XYLT1: variants seen among roughly 807,000 people sequenced by gnomAD.
The protein encoded by XYLT1 is beta-D-xylosyltransferase 1.
A neutral mutation model predicts 91.3 loss-of-function variants in XYLT1; 36 were observed. The ratio of observed to expected loss-of-function variants is 0.39; its 90% confidence interval spans 0.30 to 0.52. XYLT1 has a LOEUF of 0.52. Among genes scored for constraint, XYLT1 ranks in the 20% least tolerant of loss-of-function variants. The pLI is 0.68. For synonymous variants in XYLT1, 588 were observed against 532.0 expected, an observed-to-expected ratio of 1.11 and a Z score of -1.45; for missense variants, 1,242 against 1,284.5, an observed-to-expected ratio of 0.97 and a Z score of 0.51.
chr16:17,385,790 A>T (rs1596517635), intron 1 of XYLT1, among the ~76,000 whole-genome samples: 1 of 150,226 alleles, frequency 6.7e-6, no homozygotes, highest in Non-Finnish European at 1.5e-5. Flanking sequence ...GTGAGTTAAC[A>T]ACAGTCTATG....
intron 5 of XYLT1, among the ~76,000 whole-genome samples, chr16:17,188,992 T>TACC (rs59956644): frequency 6.9e-5 from 2 of 29,006 alleles, no homozygotes; most frequent in African/African-American, 1.9e-3. Context: ...CACCTTTGAG[T>TACC]TGCTGCTTAG....
chr16:17,377,317 G>A (rs2035615708), intron 1 of XYLT1, among the ~76,000 whole-genome samples: 1 of 152,096 alleles, frequency 6.6e-6, no homozygotes, highest in African/African-American at 2.4e-5. Context: ...TTGTTAACCT[G>A]CCCATCAAAC....
intron 1 of XYLT1, among the ~76,000 whole-genome samples, chr16:17,385,123 A>G (rs2035730662): frequency 1.3e-5 from 2 of 151,904 alleles, no homozygotes; most frequent in South Asian, 2.1e-4. Context: ...GCAGAGAGAC[A>G]TGATCCGATG....
chr16:17,120,740 T>C (rs1222282147), intron 10 of XYLT1, among the ~76,000 whole-genome samples: 3 of 152,136 alleles, frequency 2.0e-5, no homozygotes, highest in African/African-American at 7.2e-5. Flanking sequence ...GGACTATATA[T>C]GGCATGCTCA....
chr16:17,392,252 G>A (rs1202239271), intron 1 of XYLT1, among the ~76,000 whole-genome samples: 3 of 152,092 alleles, frequency 2.0e-5, no homozygotes, highest in Non-Finnish European at 4.4e-5. Context: ...CAGCACCGAT[G>A]GCCAAAGGTT....
intron 1 of XYLT1, among the ~76,000 whole-genome samples, chr16:17,403,107 G>A (rs1045132062): frequency 2.6e-5 from 4 of 152,180 alleles, no homozygotes; most frequent in Non-Finnish European, 5.9e-5. Context: ...AGACAAACAA[G>A]TAACTGATGG....
chr16:17,199,563 G>A (rs555519210), intron 4 of XYLT1, among the ~76,000 whole-genome samples: 2 of 152,266 alleles, frequency 1.3e-5, no homozygotes, highest in Admixed American at 6.5e-5. Context: ...TAATTCCCAC[G>A]TGTTATGGGA....
intron 6 of XYLT1, among the ~76,000 whole-genome samples, chr16:17,143,819 ACT>A (rs924489405): frequency 6.1e-5 from 5 of 82,506 alleles, no homozygotes; most frequent in African/African-American, 3.1e-4. Flanking sequence ...CATTATCACC[ACT>A]GTCATCACCA....
chr16:17,456,884 G>T (rs2036750876), intron 1 of XYLT1, among the ~76,000 whole-genome samples: 1 of 152,172 alleles, frequency 6.6e-6, no homozygotes, highest in African/African-American at 2.4e-5. Flanking sequence ...TGATTAAAAT[G>T]ATAATCTAGG....
chr16:17,167,281 A>C (rs1036162924), intron 5 of XYLT1, among the ~76,000 whole-genome samples: 6 of 152,266 alleles, frequency 3.9e-5, no homozygotes, highest in African/African-American at 1.4e-4. Flanking sequence ...CTTCCCTTCA[A>C]GGGGACTGTT....
intron 1 of XYLT1, among the ~76,000 whole-genome samples, chr16:17,398,597 T>C (rs1323888579): frequency 6.6e-6 from 1 of 152,142 alleles, no homozygotes; most frequent in Non-Finnish European, 1.5e-5. Context: ...CAAAATGTAT[T>C]GCCTCCCATT....
intron 2 of XYLT1, among the ~76,000 whole-genome samples, chr16:17,345,634 T>C (rs2035133436): frequency 6.6e-6 from 1 of 152,224 alleles, no homozygotes; most frequent in African/African-American, 2.4e-5. Context: ...GCTAAAAGCC[T>C]TTCTCAAAGG....
chr16:17,198,556 T>C, intron 4 of XYLT1, 142 bp from the exon 5 acceptor site: 1 of 704,700 alleles, frequency 1.4e-6, no homozygotes, highest in East Asian at 2.7e-5. Context: ...TAAATGATCC[T>C]GGACTGGAGT....
chr16:17,336,866 C>T (rs1032463024), intron 2 of XYLT1, among the ~76,000 whole-genome samples: 4 of 152,200 alleles, frequency 2.6e-5, no homozygotes, highest in Admixed American at 6.5e-5. Flanking sequence ...AATGCTCACC[C>T]GCTTTCTCAG....
intron 2 of XYLT1, among the ~76,000 whole-genome samples, chr16:17,341,739 T>C (rs1171107306): frequency 6.6e-6 from 1 of 152,198 alleles, no homozygotes; most frequent in Non-Finnish European, 1.5e-5. Flanking sequence ...AATCATTTAA[T>C]TGTTTTCATC....
chr16:17,444,559 C>T (rs151105442), intron 1 of XYLT1, among the ~76,000 whole-genome samples: 8,508 of 150,780 alleles, frequency 0.056, 338 homozygotes, highest in African/African-American at 0.099. Flanking sequence ...GTTGCCCAGG[C>T]TGGTCTGGAA....
chr16:17,366,931 C>T (rs2035462678), intron 1 of XYLT1, among the ~76,000 whole-genome samples: 1 of 152,078 alleles, frequency 6.6e-6, no homozygotes, highest in South Asian at 2.1e-4. Context: ...AACCACAGTT[C>T]CTGGTTCTAT....
intron 3 of XYLT1, among the ~76,000 whole-genome samples, chr16:17,239,817 C>T (rs2033318215): frequency 6.6e-6 from 1 of 152,176 alleles, no homozygotes; most frequent in Non-Finnish European, 1.5e-5. Flanking sequence ...TCCATCCTTT[C>T]ATCTGTCTGT....
chr16:17,430,280 C>T (rs777289870), intron 1 of XYLT1, among the ~76,000 whole-genome samples: 2 of 152,070 alleles, frequency 1.3e-5, no homozygotes, highest in African/African-American at 2.4e-5. Flanking sequence ...GTTTTGAGTA[C>T]CACCATGATG....
Sources: allele counts gnomAD v4.1 joint callset (sites outside exome capture counted in the v4.1 genomes callset), GRCh38; gene constraint gnomAD v4.1.1; transcripts MANE v1.5; gene names NCBI Gene and HGNC (gene_info 2026-07-23, HGNC 2026-07-21).